The following INSL6 variants were observed in gnomAD, a reference collection of about 807,000 sequenced individuals.
The protein encoded by INSL6 is insulin like 6, also known as insulin-like peptide INSL6.
Under a neutral mutation model 9.4 loss-of-function variants are expected in INSL6, and 16 were observed. The observed-to-expected ratio is 1.70, with a 90% CI of 1.15 to 2.59. The LOEUF (loss-of-function observed/expected upper bound fraction) is 2.59. Among genes scored for constraint, INSL6 ranks in the 30% most tolerant of loss-of-function variants. The pLI is 0.00. For missense variants in INSL6, 391 were observed against 257.3 expected, an observed-to-expected ratio of 1.52 and a Z score of -3.56; for synonymous variants, 154 against 96.9, an observed-to-expected ratio of 1.59 and a Z score of -3.46.
chr9:5,041,886 C>G, the INSL6 span: 1,538 of 426,246 alleles, frequency 3.6e-3, 14 homozygotes, highest in African/African-American at 0.016. Context: ...CAGCGCCCAT[C>G]AGGGCGCCTG....
At chr9:5,062,187 G>A in the INSL6 span, among the ~76,000 whole-genome samples, 1 of 151,942 alleles carries the variant, frequency 6.6e-6, no homozygotes, top group East Asian at 1.9e-4. Flanking sequence ...TGCAAAACCT[G>A]CATATGTGTA....
At chr9:5,107,393 T>G in the INSL6 span, among the ~76,000 whole-genome samples, 1 of 152,100 alleles carries the variant, frequency 6.6e-6, no homozygotes, top group African/African-American at 2.4e-5. Flanking sequence ...AAATTCTTCC[T>G]AGTAGCCAAC....
At chr9:5,012,982 GA>G in the INSL6 span, among the ~76,000 whole-genome samples, 1 of 151,590 alleles carries the variant, frequency 6.6e-6, no homozygotes, top group Non-Finnish European at 1.5e-5. Flanking sequence ...GGTAGTTGTG[GA>G]AAAAAAAGCC....
the INSL6 span, among the ~76,000 whole-genome samples, chr9:5,022,877 C>T: frequency 6.6e-6 from 1 of 151,982 alleles, no homozygotes; most frequent in Admixed American, 6.6e-5. Context: ...GAAGAATAGT[C>T]GTATGATTTT....
the INSL6 span, chr9:5,078,359 C>A: frequency 6.2e-7 from 1 of 1,612,362 alleles, no homozygotes; most frequent in South Asian, 1.1e-5. Context: ...TTCTGCTTAT[C>A]AGAGAAGAAG....
At position 5,185,510 on chromosome 9, in the gene INSL6, CT is replaced by C; in HGVS notation, c.92del (p.Lys31SerfsTer8). 1.2e-6 allele frequency: 2 copies of C among 1,614,210 alleles called. No individual in the cohort carries two copies. The highest frequency in any genetic ancestry group is 1.7e-6 in the Non-Finnish European group (2 of 1,180,034). ...CTTTCACCAAGTACCTGCCGCACAG[CT>C]TCCTGGCACTGCTGATGTCGCTCAG... The part of the protein sequence containing the change: ...RELSDISSAR[K>X]LCGRYLVKEI... On this transcript the variant is annotated frameshift_variant, in exon 1 of 2. Transcript: ENST00000381641. LOFTEE classifies it high-confidence loss of function.
the INSL6 span, among the ~76,000 whole-genome samples, chr9:5,058,648 G>A: frequency 2.0e-5 from 3 of 152,044 alleles, no homozygotes; most frequent in Non-Finnish European, 4.4e-5. Flanking sequence ...CCATAGCAGC[G>A]GCACCATTTT....
chr9:5,076,311 C>T, the INSL6 span, among the ~76,000 whole-genome samples: 35 of 152,216 alleles, frequency 2.3e-4, no homozygotes, highest in African/African-American at 8.4e-4. Flanking sequence ...GCATTGCATG[C>T]TACAGAGAAA....
intron 1 of INSL6, among the ~76,000 whole-genome samples, chr9:5,183,367 GT>G (rs1394683446): frequency 6.6e-6 from 1 of 152,078 alleles, no homozygotes; most frequent in African/African-American, 2.4e-5. Context: ...ATAGTAGCAG[GT>G]TTTGTGGGTA....
chr9:5,128,407 ACTC>A (rs1824142785), intron 3 of INSL6, among the ~76,000 whole-genome samples: 1 of 151,810 alleles, frequency 6.6e-6, no homozygotes, highest in South Asian at 2.1e-4. Context: ...ATTTGTAAAG[ACTC>A]CTCAAGGATT....
the INSL6 span, among the ~76,000 whole-genome samples, chr9:5,066,953 G>C: frequency 1.3e-5 from 2 of 151,880 alleles, no homozygotes; most frequent in East Asian, 3.8e-4. Context: ...AAATAAACAA[G>C]TTATAATTCC....
intron 3 of INSL6, chr9:5,126,597 T>C (rs1824015639): frequency 1.0e-6 from 1 of 983,146 alleles, no homozygotes. Context: ...TTATGACATG[T>C]GCCCTGTATT....
At chr9:5,069,822 A>T in the INSL6 span, 2 of 571,842 alleles carry the variant, frequency 3.5e-6, no homozygotes, top group Non-Finnish European at 5.5e-6. Flanking sequence ...AGGAGTTATT[A>T]AGCATTTCTT....
the INSL6 span, among the ~76,000 whole-genome samples, chr9:5,073,986 A>G: frequency 6.6e-6 from 1 of 152,188 alleles, no homozygotes; most frequent in Non-Finnish European, 1.5e-5. Flanking sequence ...TAAAAGTAGA[A>G]GGTTACAATG....
At chr9:5,081,621 G>A in the INSL6 span, 7 of 722,582 alleles carry the variant, frequency 9.7e-6, no homozygotes, top group South Asian at 1.2e-4. Context: ...GTATCATTTA[G>A]TATTTTTAAC....
chr9:5,085,437 A>G, the INSL6 span: 2 of 743,910 alleles, frequency 2.7e-6, no homozygotes, highest in African/African-American at 1.7e-5. Context: ...TCAGGCTCGC[A>G]GTATTCTTGA....
chr9:5,113,296 T>C, the INSL6 span, among the ~76,000 whole-genome samples: 247 of 143,818 alleles, frequency 1.7e-3, 1 homozygote, highest in Middle Eastern at 4.1e-3. Flanking sequence ...AACTATAAAA[T>C]GTGGAGAAAT....
chr9:5,126,647 G>A (rs369491871), intron 3 of INSL6: 6 of 1,405,878 alleles, frequency 4.3e-6, no homozygotes, highest in Non-Finnish European at 6.0e-6. Context: ...ATGGCCCTTA[G>A]TGTTCATTTA....
chr9:5,049,769 T>C, the INSL6 span, among the ~76,000 whole-genome samples: 16 of 152,262 alleles, frequency 1.1e-4, no homozygotes, highest in Admixed American at 3.9e-4. Context: ...ATTGTACTTA[T>C]ACAAACCTAT....
Sources: gnomAD v4.1 joint callset for allele counts (sites outside exome capture counted in the v4.1 genomes callset) on GRCh38, gnomAD v4.1.1 for gene constraint, MANE v1.5 for transcripts, NCBI Gene and HGNC (gene_info 2026-07-23, HGNC 2026-07-21) for gene names.